The following ATP13A5 variants were observed in gnomAD, a reference collection of about 807,000 sequenced individuals.
ATP13A5 encodes probable cation-transporting ATPase 13A5.
ATP13A5 carries 149 observed loss-of-function variants against 150.2 expected under a neutral mutation model. That is an observed-to-expected ratio of 0.99 (90% CI 0.87 to 1.14). The LOEUF (loss-of-function observed/expected upper bound fraction) is 1.14. ATP13A5 is among the 50% of genes most tolerant of loss of function. ATP13A5 has a pLI of 0.00. For missense variants in ATP13A5, 1,383 were observed against 1,449.3 expected (o/e 0.95, Z 0.74); for synonymous variants, 497 against 522.2 (o/e 0.95, Z 0.66).
intron 29 of ATP13A5, 132 bp downstream of exon 29, chr3:193,276,618 T>C: frequency 3.1e-6 from 2 of 647,932 alleles, no homozygotes; most frequent in Non-Finnish European, 5.3e-6. Context: ...AAAGAATATG[T>C]ACCATTTTAA....
At chr3:193,306,150 CCACA>C (rs1718610910) in intron 22 of ATP13A5, among the ~76,000 whole-genome samples, 1 of 151,078 alleles carries the variant, frequency 6.6e-6, no homozygotes, top group Admixed American at 6.6e-5. Context: ...ATCTGTAGTT[CCACA>C]GAACTACAGA....
At chr3:193,335,147 G>A in intron 9 of ATP13A5, 48 bp from the exon 10 acceptor site, 2 of 1,575,602 alleles carry the variant, frequency 1.3e-6, no homozygotes, top group Middle Eastern at 1.7e-4. Flanking sequence ...CAGGTAGTTG[G>A]TCAGAACTGG....
intron 25 of ATP13A5, among the ~76,000 whole-genome samples, chr3:193,292,990 A>T (rs1718028213): frequency 6.6e-6 from 1 of 152,258 alleles, no homozygotes; most frequent in South Asian, 2.1e-4. Flanking sequence ...GGCTCTAATA[A>T]GTGTTTATAA....
chr3:193,375,198 A>G (rs962394838), intron 1 of ATP13A5, among the ~76,000 whole-genome samples: 1 of 152,102 alleles, frequency 6.6e-6, no homozygotes, highest in African/African-American at 2.4e-5. Flanking sequence ...CTTCTTATAT[A>G]ATACCTACTG....
chr3:193,377,588 T>C (rs1047885578), intron 1 of ATP13A5, among the ~76,000 whole-genome samples: 1 of 152,230 alleles, frequency 6.6e-6, no homozygotes, highest in Non-Finnish European at 1.5e-5. Context: ...GGCTGCCTTA[T>C]TGAACAACAT....
At chr3:193,357,344 G>C (rs760259090) in intron 5 of ATP13A5, among the ~76,000 whole-genome samples, 10 of 152,116 alleles carry the variant, frequency 6.6e-5, no homozygotes, top group Non-Finnish European at 1.2e-4. Flanking sequence ...GGATCCAGTT[G>C]ATCAATATTT....
chr3:193,333,652 A>G, intron 11 of ATP13A5, 98 bp downstream of exon 11: 2 of 1,212,350 alleles, frequency 1.6e-6, no homozygotes. Flanking sequence ...TGATTCACAG[A>G]ATGATGGGAT....
At position 193,284,887 on chromosome 3, in the gene ATP13A5, A is replaced by G. The variant is rs770562012; in HGVS notation, c.3226+27T>C. On this transcript the variant is annotated intron_variant, in intron 27 of 29. Coordinates refer to ENST00000342358, the MANE Select transcript of ATP13A5 (RefSeq NM_198505.4). ...GAAAGGGAATGGGAAAATATTCAGA[A>G]AGAAAAATTAAACTTTATATACTTA... The G allele has an allele frequency of 3.8e-6, 6 of 1,567,540 alleles. No homozygotes were observed. The South Asian group carries it at 6.9e-5, about 18-fold the overall frequency.
At chr3:193,372,509 TTCTC>T (rs755641072) in intron 1 of ATP13A5, among the ~76,000 whole-genome samples, 12 of 152,136 alleles carry the variant, frequency 7.9e-5, no homozygotes, top group African/African-American at 2.2e-4. Flanking sequence ...TTCTTGAAAT[TTCTC>T]TCTAAGTATG....
chr3:193,357,933 G>T (rs968930923), intron 5 of ATP13A5, among the ~76,000 whole-genome samples: 1 of 151,650 alleles, frequency 6.6e-6, no homozygotes, highest in Non-Finnish European at 1.5e-5. Context: ...ACTTTCTCTT[G>T]GAGGAGGTCC....
chr3:193,315,547 G>A (rs755286242), intron 17 of ATP13A5, among the ~76,000 whole-genome samples: 2 of 152,008 alleles, frequency 1.3e-5, no homozygotes, highest in Admixed American at 6.6e-5. Context: ...TCCATCTGTC[G>A]CCTTGAATAA....
chr3:193,314,464 C>A, intron 18 of ATP13A5: 1 of 384,158 alleles, frequency 2.6e-6, no homozygotes, highest in Non-Finnish European at 4.7e-6. Context: ...TATGACCAAT[C>A]CTCAGAAGAC....
chr3:193,359,932 G>A (rs1712940667), intron 5 of ATP13A5, among the ~76,000 whole-genome samples: 1 of 152,118 alleles, frequency 6.6e-6, no homozygotes, highest in South Asian at 2.1e-4. Context: ...ACAGAAGCAG[G>A]GTGGGTGGGC....
chr3:193,339,013 T>G (rs1440828449), intron 9 of ATP13A5, among the ~76,000 whole-genome samples: 1 of 152,202 alleles, frequency 6.6e-6, no homozygotes, highest in African/African-American at 2.4e-5. Flanking sequence ...TTTTCTAGTT[T>G]ATTTGCATAG....
At position 193,301,288 on chromosome 3, in the gene ATP13A5, C is replaced by T. The variant is rs545966151; in HGVS notation, c.2698G>A (p.Val900Ile). The T allele has an allele frequency of 2.7e-5, 43 of 1,612,860 alleles. No homozygotes were observed. Among genetic ancestry groups the T allele is most frequent in the Admixed American group, 2.5e-4 (15 of 59,820 alleles). ...HLIREGRAAL[V>I]SSFGVFKYLT... The stretch of plus-strand genomic sequence containing the variant: ...TATTTAAATACTCCAAAGGATGAAA[C>T]CAGAGCAGCTCGGCCTTCTCTGTTT... Residue 900 changes from valine (V) to isoleucine (I), a missense_variant, in exon 24 of 30, where the codon GTT (valine) becomes ATT (isoleucine). This residue lies in a region of ATP13A5 where 568 missense variants were observed against 621.5 expected (regional missense o/e 0.91). Coordinates refer to ENST00000342358, the MANE Select transcript of ATP13A5 (RefSeq NM_198505.4).
chr3:193,328,804 A>T (rs1203705812), intron 12 of ATP13A5, among the ~76,000 whole-genome samples: 1 of 152,230 alleles, frequency 6.6e-6, no homozygotes, highest in African/African-American at 2.4e-5. Context: ...CCAGTGACAG[A>T]TATCTCCGAA....
chr3:193,345,112 T>C, intron 7 of ATP13A5, 37 bp from the exon 8 acceptor site: 22 of 1,582,700 alleles, frequency 1.4e-5, no homozygotes, highest in East Asian at 4.5e-5. Context: ...CATTAGATAG[T>C]TCATGTTCTG....
intron 1 of ATP13A5, among the ~76,000 whole-genome samples, chr3:193,373,468 C>G (rs1395174460): frequency 6.6e-6 from 1 of 151,502 alleles, no homozygotes; most frequent in African/African-American, 2.4e-5. Flanking sequence ...TTTTTAACAA[C>G]TCATCACATA....
intron 28 of ATP13A5, chr3:193,277,888 C>T (rs1043434620): frequency 2.0e-5 from 3 of 152,194 alleles, no homozygotes; most frequent in Non-Finnish European, 2.9e-5. Context: ...TGCAGTGGCA[C>T]AATTTCAGCT....
Sources: gnomAD v4.1 joint callset for allele counts (sites outside exome capture counted in the v4.1 genomes callset) on GRCh38, gnomAD v4.1.1 for gene constraint, gnomAD v4.1.1 regional missense constraint, MANE v1.5 for transcripts, NCBI Gene and HGNC (gene_info 2026-07-23, HGNC 2026-07-21) for gene names.